The following DSTN variants were observed in gnomAD, a reference collection of about 807,000 sequenced individuals.
DSTN encodes destrin.
In DSTN, 10 loss-of-function variants were observed where a neutral mutation model predicts 16.8. That is an observed-to-expected ratio of 0.60 (90% CI 0.37 to 1.01). DSTN has a LOEUF of 1.01. DSTN is among the 50% of genes least tolerant of loss of function. DSTN has a pLI of 0.01. For synonymous variants in DSTN, 57 were observed against 58.9 expected, an observed-to-expected ratio of 0.97 and a Z score of 0.14; for missense variants, 141 against 196.7, an observed-to-expected ratio of 0.72 and a Z score of 1.69.
At chr20:17,579,421 CA>C (rs111453362) in intron 1 of DSTN, among the ~76,000 whole-genome samples, 34 of 146,528 alleles carry the variant, frequency 2.3e-4, no homozygotes, top group East Asian at 4.0e-4. Flanking sequence ...CATAAAATAC[CA>C]AAAAAAAAAG....
intron 1 of DSTN, among the ~76,000 whole-genome samples, chr20:17,582,136 T>A (rs1287391522): frequency 6.8e-6 from 1 of 147,644 alleles, no homozygotes; most frequent in East Asian, 2.0e-4. Flanking sequence ...TGGAGTGCAA[T>A]AGCGTGATCT....
chr20:17,586,120 G>A (rs890464419), intron 1 of DSTN, among the ~76,000 whole-genome samples: 7 of 152,098 alleles, frequency 4.6e-5, no homozygotes, highest in Non-Finnish European at 8.8e-5. Context: ...TAAGGATGGG[G>A]CAGAATATTA....
chr20:17,574,314 G>T (rs1008259090), intron 1 of DSTN, among the ~76,000 whole-genome samples: 1 of 152,150 alleles, frequency 6.6e-6, no homozygotes, highest in Non-Finnish European at 1.5e-5. Flanking sequence ...ATTACCAGAA[G>T]TTCAATACTC....
rs552522895 is a variant in DSTN, at chr20:17,600,710, C to T, written c.4-28C>T. ...GTTTGGCACAATAAAAATTGTAAGT[C>T]TTTTTCTCATGTATTTTCTCATCAT... On this transcript the variant is annotated intron_variant, in intron 1 of 3. Transcript: ENST00000246069. 1.0e-4 allele frequency: 158 copies of T among 1,533,930 alleles called. 3 individuals carry two copies. In the South Asian group the frequency reaches 1.8e-3, roughly 17 times the overall value.
In DSTN at chr20:17,598,238, CTTTATG is replaced by C. The variant is rs2035549541; in HGVS notation, c.4-2495_4-2490del. 5.4e-5 allele frequency among the ~76,000 whole-genome samples: 8 copies of C among 148,508 alleles called. No homozygotes were observed. The South Asian group carries it at 1.7e-3, about 32-fold the overall frequency. ...GTGGAATTCCTAGGTCAGGTGTTAA[CTTTATG>C]TTTAACTTTTTGAGGAACTGCCAAA... On this transcript the variant is annotated intron_variant, in intron 1 of 3. Coordinates refer to ENST00000246069, the MANE Select transcript of DSTN (RefSeq NM_006870.4).
chr20:17,596,288 A>G (rs1365329227), intron 1 of DSTN, among the ~76,000 whole-genome samples: 1 of 151,952 alleles, frequency 6.6e-6, no homozygotes, highest in African/African-American at 2.4e-5. Flanking sequence ...TTGCTGCTTA[A>G]TGTTGGTGAC....
intron 1 of DSTN, among the ~76,000 whole-genome samples, chr20:17,574,978 T>C (rs1319198654): frequency 1.4e-5 from 2 of 140,498 alleles, no homozygotes; most frequent in Non-Finnish European, 3.0e-5. Context: ...CACCTCAGCC[T>C]GCGGAGTAGC....
In DSTN at chr20:17,608,492, T is replaced by G. The variant is rs938836715; in HGVS notation, c.*1346T>G. The G allele has an allele frequency of 6.6e-6, 1 of 151,804 alleles. No homozygotes were observed. The highest frequency in any genetic ancestry group is 2.4e-5 in the African/African-American group (1 of 41,276). The allele number at this position is 151,804 out of a possible 1,614,324, so 9.4% of individuals were successfully genotyped here. A position where few individuals can be genotyped will look rare whatever the true frequency, so the allele number is the denominator to read the frequency against. ...AAAAATAAACAAAATTAGCCGGGTG[T>G]GGTGGTGCACGTCAGTAGTCCCAGC... On this transcript the variant is annotated 3_prime_UTR_variant, in exon 4 of 4. Transcript: ENST00000246069.
chr20:17,581,127 T>G (rs1480264858), intron 1 of DSTN, among the ~76,000 whole-genome samples: 7 of 152,128 alleles, frequency 4.6e-5, no homozygotes, highest in Non-Finnish European at 8.8e-5. Context: ...TGGAGCGAGA[T>G]ATGATTTATC....
chr20:17,590,697 A>G (rs2035460010), intron 1 of DSTN, among the ~76,000 whole-genome samples: 1 of 152,236 alleles, frequency 6.6e-6, no homozygotes, highest in African/African-American at 2.4e-5. Context: ...GTGTACTTGA[A>G]TATCAGTAAC....
intron 1 of DSTN, among the ~76,000 whole-genome samples, chr20:17,598,467 G>T (rs2035551841): frequency 6.6e-6 from 1 of 152,186 alleles, no homozygotes; most frequent in East Asian, 1.9e-4. Flanking sequence ...CACTATTGAT[G>T]TTGAGCATTT....
intron 1 of DSTN, among the ~76,000 whole-genome samples, chr20:17,586,612 A>G (rs759338477): frequency 3.3e-5 from 5 of 152,216 alleles, no homozygotes; most frequent in Non-Finnish European, 5.9e-5. Context: ...TTTGATTATC[A>G]GAGAACAAAT....
intron 1 of DSTN, among the ~76,000 whole-genome samples, chr20:17,584,053 G>A (rs2035380093): frequency 6.6e-6 from 1 of 152,052 alleles, no homozygotes; most frequent in African/African-American, 2.4e-5. Flanking sequence ...GTTTCTTTTT[G>A]TGGTGTTCAA....
chr20:17,594,142 A>G (rs187516289), intron 1 of DSTN, among the ~76,000 whole-genome samples: 3 of 152,116 alleles, frequency 2.0e-5, no homozygotes, highest in Admixed American at 6.5e-5. Flanking sequence ...CTTCAGATCA[A>G]TGGAAAGCCA....
rs994931035 is a variant in DSTN, at chr20:17,609,159, T to G, written c.*2013T>G. The G allele has an allele frequency of 6.6e-6, 1 of 152,248 alleles. No homozygotes were observed. The highest frequency in any genetic ancestry group is 1.5e-5 in the Non-Finnish European group (1 of 68,044). 9.4% of individuals were successfully genotyped at this position (152,248 alleles called of 1,614,324 possible). A position where few individuals can be genotyped will look rare whatever the true frequency, so the allele number is the denominator to read the frequency against. Reference sequence around the variant, plus strand: ...AGAAAATAGTGCTGGCTGCTTGTCATTCATCCTGAATTGCTTGTTTCTTTA... The same window carrying G: ...AGAAAATAGTGCTGGCTGCTTGTCAGTCATCCTGAATTGCTTGTTTCTTTA... On this transcript the variant is annotated 3_prime_UTR_variant, in exon 4 of 4. Coordinates refer to ENST00000246069, the MANE Select transcript of DSTN (RefSeq NM_006870.4).
At chr20:17,584,585 G>C (rs1398922007) in intron 1 of DSTN, among the ~76,000 whole-genome samples, 1 of 151,010 alleles carries the variant, frequency 6.6e-6, no homozygotes, top group Non-Finnish European at 1.5e-5. Flanking sequence ...CCAGGAGGCG[G>C]AAGTTGCAGT....
chr20:17,606,676 C>G (rs1032295651), intron 3 of DSTN, among the ~76,000 whole-genome samples: 1 of 152,210 alleles, frequency 6.6e-6, no homozygotes, highest in Non-Finnish European at 1.5e-5. Flanking sequence ...CAGAAGCCTC[C>G]CTGGTGCTGT....
At chr20:17,606,056 T>C (rs1267306703) in intron 3 of DSTN, among the ~76,000 whole-genome samples, 3 of 151,406 alleles carry the variant, frequency 2.0e-5, no homozygotes, top group African/African-American at 4.9e-5. Context: ...TGCAGTGAGC[T>C]GAGATCGCAC....
intron 1 of DSTN, 59 bp downstream of exon 1, chr20:17,570,270 G>T: frequency 6.9e-7 from 1 of 1,444,100 alleles, no homozygotes; most frequent in South Asian, 1.4e-5. Flanking sequence ...GTGTCTCTGG[G>T]GCGCCGCGGA....
Sources: gnomAD v4.1 joint callset for allele counts (sites outside exome capture counted in the v4.1 genomes callset) on GRCh38, gnomAD v4.1.1 for gene constraint, MANE v1.5 for transcripts, NCBI Gene and HGNC (gene_info 2026-07-23, HGNC 2026-07-21) for gene names.